Variants in ASH2L observed in about 807,000 individuals in gnomAD.
ASH2L encodes set1/Ash2 histone methyltransferase complex subunit ASH2.
A neutral mutation model predicts 81.1 loss-of-function variants in ASH2L; 30 were observed. The ratio of observed to expected loss-of-function variants is 0.37; its 90% confidence interval spans 0.28 to 0.50. ASH2L has a LOEUF of 0.50. ASH2L is among the 20% of genes least tolerant of loss of function. The pLI is 0.95. For synonymous variants in ASH2L, 273 were observed against 279.9 expected, an observed-to-expected ratio of 0.98 and a Z score of 0.24; for missense variants, 559 against 792.1, an observed-to-expected ratio of 0.71 and a Z score of 3.53.
rs2130480890 is a variant in ASH2L, at chr8:38,110,631, C to G, written c.491-108C>G. ...GCCCATTTCAGGTCACATGATGACT[C>G]CATTTTGCTGCTATAATTGTTATTT... On this transcript the variant is annotated intron_variant, in intron 4 of 15. Coordinates refer to ENST00000343823, the MANE Select transcript of ASH2L (RefSeq NM_004674.5). The G allele has an allele frequency of 3.5e-6, 4 of 1,157,610 alleles. No individual in the cohort carries two copies. In the South Asian group the frequency reaches 5.2e-5, roughly 15 times the overall value. 71.7% of individuals were successfully genotyped at this position (1,157,610 alleles called of 1,614,324 possible). A position where few individuals can be genotyped will look rare whatever the true frequency, so the allele number is the denominator to read the frequency against.
intron 3 of ASH2L, among the ~76,000 whole-genome samples, chr8:38,107,593 G>A (rs1400852809): frequency 1.3e-5 from 2 of 151,972 alleles, no homozygotes; most frequent in African/African-American, 2.4e-5. Flanking sequence ...TCTCATTGCT[G>A]CTGACTCACT....
chr8:38,132,546 C>T lies in ASH2L; in HGVS notation c.1528-908C>T, dbSNP rs766354038. On this transcript the variant is annotated intron_variant, in intron 12 of 15. Coordinates refer to ENST00000343823, the MANE Select transcript of ASH2L (RefSeq NM_004674.5). ...TGGTGCAGTGGCTCGTGCCTGTAAT[C>T]CCAGCACTTTGGGAGGCTGAGGCGG... Among the ~76,000 whole-genome samples, 2 of 152,190 alleles carry T rather than the reference C, an allele frequency of 1.3e-5. 1 individual carries two copies. The highest frequency in any genetic ancestry group is 4.8e-5 in the African/African-American group (2 of 41,458).
chr8:38,134,634 G>A (rs1585610280), intron 13 of ASH2L, among the ~76,000 whole-genome samples: 1 of 152,332 alleles, frequency 6.6e-6, no homozygotes, highest in East Asian at 1.9e-4. Flanking sequence ...GTGGGATGTA[G>A]AGGAAGAAAG....
In ASH2L at chr8:38,128,460, T is replaced by TA; in HGVS notation, c.1333+4dup. 2 of 1,613,318 alleles carry TA rather than the reference T, an allele frequency of 1.2e-6. No homozygotes were observed. Among genetic ancestry groups the TA allele is most frequent in the African/African-American group, 2.7e-5 (2 of 74,994 alleles). On this transcript the variant is annotated splice_region_variant and intron_variant, in intron 11 of 15. Transcript: ENST00000343823. ...GACTGGGTTGGTCCCAGCCCCTAGG[T>TA]AAGCTGGGGCCTTAATATGGACATC...
In ASH2L at chr8:38,139,417, T is replaced by C. The variant is rs1802393070; in HGVS notation, c.*346T>C. 5.5e-6 allele frequency: 1 copy of C among 180,206 alleles called. No homozygotes were observed. Among genetic ancestry groups the C allele is most frequent in the African/African-American group, 2.4e-5 (1 of 42,534 alleles). 11.2% of individuals were successfully genotyped at this position (180,206 alleles called of 1,614,324 possible). On this transcript the variant is annotated 3_prime_UTR_variant, in exon 16 of 16. Transcript: ENST00000343823. ...AATAATATTGTCCGAGTAACTAACT[T>C]ATTTAAAAGACATTTCCTTCTGTGG... is the stretch of plus-strand genomic sequence containing the variant.
At position 38,129,042 on chromosome 8, in the gene ASH2L, AG is replaced by A. The variant is rs1036068014; in HGVS notation, c.1527+92del. 2.6e-4 allele frequency: 395 copies of A among 1,508,454 alleles called. 1 individual carries two copies. The highest frequency in any genetic ancestry group is 1.0e-3 in the Admixed American group (43 of 41,732). The allele number at this position is 1,508,454 out of a possible 1,614,324, so 93.4% of individuals were successfully genotyped here. On this transcript the variant is annotated intron_variant, in intron 12 of 15. Transcript: ENST00000343823. ...GGCTTGTGTGATCTCTTAGGAACTG[AG>A]CCACAGCTCACGTTTTTTCCTAACC...
At chr8:38,122,831 C>T (rs893575755) in intron 10 of ASH2L, among the ~76,000 whole-genome samples, 19 of 152,114 alleles carry the variant, frequency 1.2e-4, no homozygotes, top group Admixed American at 8.5e-4. Context: ...GCAGCCTCAA[C>T]CTCCTGGGCT....
chr8:38,122,981 T>C (rs7007133), intron 10 of ASH2L, among the ~76,000 whole-genome samples: 22 of 152,020 alleles, frequency 1.4e-4, no homozygotes, highest in Admixed American at 5.9e-4. Flanking sequence ...ACTCCTGGGC[T>C]CAAGCCGTCA....
At chr8:38,118,450 T>G (rs1810998152) in intron 8 of ASH2L, among the ~76,000 whole-genome samples, 1 of 152,254 alleles carries the variant, frequency 6.6e-6, no homozygotes, top group Non-Finnish European at 1.5e-5. Context: ...GTAATCTTCC[T>G]TGTGGCTTTA....
chr8:38,116,965 C>G (rs891771354), intron 8 of ASH2L, among the ~76,000 whole-genome samples: 3 of 152,200 alleles, frequency 2.0e-5, no homozygotes, highest in Non-Finnish European at 4.4e-5. Context: ...GACAAGGAAC[C>G]ATTTCAAGGT....
In ASH2L at chr8:38,119,126, G is replaced by A. The variant is rs149194343; in HGVS notation, c.854-144G>A. The A allele has an allele frequency of 2.0e-5, 14 of 713,260 alleles. No homozygotes were observed. In the African/African-American group the frequency reaches 2.2e-4, roughly 11 times the overall value. 44.2% of individuals were successfully genotyped at this position (713,260 alleles called of 1,614,324 possible). A position where few individuals can be genotyped will look rare whatever the true frequency, so the allele number is the denominator to read the frequency against. On this transcript the variant is annotated intron_variant, in intron 8 of 15. Coordinates refer to ENST00000343823, the MANE Select transcript of ASH2L (RefSeq NM_004674.5). ...CTCAGTAGATTCTTTGAAAACTAGG[G>A]TGAAATCCAATATGCCTTTGGAAGG...
At chr8:38,132,445 T>G (rs900532390) in intron 12 of ASH2L, among the ~76,000 whole-genome samples, 2 of 152,140 alleles carry the variant, frequency 1.3e-5, no homozygotes, top group African/African-American at 4.8e-5. Flanking sequence ...AGACCACCTG[T>G]GGGAACAGAT....
chr8:38,110,452 C>T lies in ASH2L; in HGVS notation c.475C>T (p.Leu159Phe). 1 of 1,613,732 alleles carries T rather than the reference C, an allele frequency of 6.2e-7. No individual in the cohort carries two copies. The highest frequency in any genetic ancestry group is 8.5e-7 in the Non-Finnish European group (1 of 1,179,646). The change falls in exon 4 of 16, where the codon CTC becomes TTC. Residue 159 changes from leucine (L) to phenylalanine (F), a missense_variant. Physicochemically the swap from Leu to Phe is conservative, Grantham distance 22 (BLOSUM62 0). This residue lies in a region of ASH2L where 318 missense variants were observed against 527.0 expected (regional missense o/e 0.60). Coordinates refer to ENST00000343823, the MANE Select transcript of ASH2L (RefSeq NM_004674.5). ...VCHHSGNTYF[L>F]RKQANLKEMC... Reference sequence around the variant, plus strand: ...CCATCACAGTGGGAATACCTATTTCCTCCGGAAGCAAGCAAGTAAGAACAA... The same window carrying T: ...CCATCACAGTGGGAATACCTATTTCTTCCGGAAGCAAGCAAGTAAGAACAA...
At chr8:38,136,786 A>G (rs2517398) in intron 14 of ASH2L, among the ~76,000 whole-genome samples, 26,584 of 149,304 alleles carry the variant, frequency 0.18, 2,487 homozygotes, top group East Asian at 0.4. Context: ...AAAAAAAAAA[A>G]GAAAGAAAAG....
chr8:38,135,162 A>G (rs547688015), intron 13 of ASH2L, among the ~76,000 whole-genome samples: 1 of 152,314 alleles, frequency 6.6e-6, no homozygotes, highest in East Asian at 1.9e-4. Context: ...GCTTACTTTT[A>G]TAAATACAGT....
At chr8:38,136,371 G>A (rs929164117) in intron 14 of ASH2L, among the ~76,000 whole-genome samples, 6 of 59,726 alleles carry the variant, frequency 1.0e-4, no homozygotes, top group African/African-American at 4.3e-4. Flanking sequence ...ACCACATCTG[G>A]CAAGTTTTTT....
At chr8:38,124,694 T>C (rs1438069384) in intron 10 of ASH2L, 1 of 152,230 alleles carries the variant, frequency 6.6e-6, no homozygotes, top group Non-Finnish European at 1.5e-5. Context: ...GGTTCTCCCC[T>C]GATTATTTAG....
At chr8:38,134,319 G>T (rs77302905) in intron 13 of ASH2L, among the ~76,000 whole-genome samples, 1 of 130,074 alleles carries the variant, frequency 7.7e-6, no homozygotes. Context: ...AATGATCAAT[G>T]AAAAAAAAAA....
rs1289544560 is a variant in ASH2L at position 38,128,548 on chromosome 8, C to A, written c.1333+90C>A. 8 of 1,521,978 alleles carry A rather than the reference C, an allele frequency of 5.3e-6. No homozygotes were observed. In the African/African-American group the frequency reaches 1.1e-4, roughly 21 times the overall value. The allele number at this position is 1,521,978 out of a possible 1,614,324, so 94.3% of individuals were successfully genotyped here. A position where few individuals can be genotyped will look rare whatever the true frequency, so the allele number is the denominator to read the frequency against. Reference sequence around the variant, plus strand: ...TAAGGCTTCAAGGCTGTTGGGTTTACCAGATTGTGGGCATAGAATTCAGTT... The same window carrying A: ...TAAGGCTTCAAGGCTGTTGGGTTTAACAGATTGTGGGCATAGAATTCAGTT... On this transcript the variant is annotated intron_variant, in intron 11 of 15. Coordinates refer to ENST00000343823, the MANE Select transcript of ASH2L (RefSeq NM_004674.5).
Sources: gnomAD v4.1 joint callset for allele counts (sites outside exome capture counted in the v4.1 genomes callset) on GRCh38, gnomAD v4.1.1 for gene constraint, gnomAD v4.1.1 regional missense constraint, MANE v1.5 for transcripts, NCBI Gene and HGNC (gene_info 2026-07-23, HGNC 2026-07-21) for gene names.